Variants in COQ10B observed in about 807,000 individuals in gnomAD.
The protein encoded by COQ10B is coenzyme Q10B.
In COQ10B, 12 loss-of-function variants were observed where a neutral mutation model predicts 27.6. The ratio of observed to expected loss-of-function variants is 0.43; its 90% CI spans 0.28 to 0.70. The LOEUF is 0.70. Ranked by LOEUF, COQ10B falls within the 30% of genes least tolerant of loss-of-function variation. The pLI is 0.17. For synonymous variants in COQ10B, 115 were observed against 103.0 expected (o/e 1.12, Z -0.71); for missense variants, 278 against 288.7 (o/e 0.96, Z 0.27).
At position 197,457,945 on chromosome 2, in the gene COQ10B, C is replaced by G. The variant is rs2085717194; in HGVS notation, c.105-1987C>G. Among the ~76,000 whole-genome samples, 8 of 152,120 alleles carry G rather than the reference C, an allele frequency of 5.3e-5. No individual in the cohort carries two copies. The South Asian group carries it at 1.7e-3, about 31-fold the overall frequency. On this transcript the variant is annotated intron_variant, in intron 1 of 4. Transcript: ENST00000263960. ...CCTCCATTACATTTTAACAGATAGT[C>G]ATGTAGTATTTACCTTAAGCAAATT...
chr2:197,464,028 T>C (rs554474942), intron 3 of COQ10B, among the ~76,000 whole-genome samples: 4,087 of 75,816 alleles, frequency 0.054, 128 homozygotes, highest in African/African-American at 0.11. Flanking sequence ...CACACACACA[T>C]ACATACACAC....
intron 2 of COQ10B, among the ~76,000 whole-genome samples, chr2:197,461,346 A>G (rs917880604): frequency 1.3e-5 from 2 of 152,140 alleles, no homozygotes; most frequent in Non-Finnish European, 2.9e-5. Context: ...GAGGTGACAC[A>G]CAACACCTCC....
chr2:197,471,452 C>G (rs548520631), intron 4 of COQ10B, among the ~76,000 whole-genome samples: 1 of 151,998 alleles, frequency 6.6e-6, no homozygotes, highest in Non-Finnish European at 1.5e-5. Context: ...TAGTAACTTT[C>G]TTTTTCATAT....
In COQ10B at chr2:197,469,985, A is replaced by G. The variant is rs2106057373; in HGVS notation, c.448-85A>G. On this transcript the variant is annotated intron_variant, in intron 3 of 4. Transcript: ENST00000263960. The stretch of plus-strand genomic sequence containing the variant: ...ATAAAAATTATTACTTATGAAAGAA[A>G]TCAGCCTCAGTCATAGTAGATTCTT... 5 of 769,128 alleles carry G rather than the reference A, an allele frequency of 6.5e-6. No homozygotes were observed. The South Asian group carries it at 8.7e-5, about 13-fold the overall frequency. The allele number at this position is 769,128 out of a possible 1,614,324, so 47.6% of individuals were successfully genotyped here.
chr2:197,473,415 AATAT>A lies in COQ10B; in HGVS notation c.550-318_550-315del, dbSNP rs1161758409. 4.0e-3 allele frequency among the ~76,000 whole-genome samples: 236 copies of A among 59,462 alleles called. 8 individuals are homozygous for A. The highest frequency in any genetic ancestry group is 0.016 in the African/African-American group (188 of 11,798). The allele number at this position is 59,462 out of a possible 152,430, so 39.0% of individuals were successfully genotyped here. A position where few individuals can be genotyped will look rare whatever the true frequency, so the allele number is the denominator to read the frequency against. Reference sequence around the variant, plus strand: ...CGCCCCCCCCCACAAAAAAAAAAAAAATATATATATATATATATATATATATACA... The same window carrying A: ...CGCCCCCCCCCACAAAAAAAAAAAAAATATATATATATATATATATATACA... On this transcript the variant is annotated intron_variant, in intron 4 of 4. Coordinates refer to ENST00000263960, the MANE Select transcript of COQ10B (RefSeq NM_025147.5).
chr2:197,459,794 C>CGT (rs2085736785), intron 1 of COQ10B, 138 bp from the exon 2 acceptor site: 3 of 514,314 alleles, frequency 5.8e-6, no homozygotes, highest in East Asian at 6.9e-5. Flanking sequence ...TTTCTGTGCC[C>CGT]GTGTGTGTGT....
intron 1 of COQ10B, among the ~76,000 whole-genome samples, chr2:197,458,142 G>A (rs1179468314): frequency 1.4e-5 from 2 of 145,486 alleles, no homozygotes; most frequent in Non-Finnish European, 3.0e-5. Context: ...CTTTTGAGAC[G>A]GAGAATCACT....
intron 1 of COQ10B, among the ~76,000 whole-genome samples, chr2:197,458,222 G>T (rs1033659433): frequency 6.6e-6 from 1 of 151,028 alleles, no homozygotes; most frequent in African/African-American, 2.4e-5. Context: ...ATATGTATAT[G>T]TATTCATATA....
intron 1 of COQ10B, chr2:197,454,034 G>A: frequency 1.3e-6 from 2 of 1,551,256 alleles, no homozygotes; most frequent in South Asian, 1.2e-5. Context: ...GGCTGTATGG[G>A]AGTTTGTGTT....
chr2:197,463,310 A>G (rs2085781460), intron 3 of COQ10B, among the ~76,000 whole-genome samples: 1 of 151,932 alleles, frequency 6.6e-6, no homozygotes, highest in Non-Finnish European at 1.5e-5. Context: ...CGTCTCTACT[A>G]AAAATACAAA....
intron 1 of COQ10B, among the ~76,000 whole-genome samples, chr2:197,454,448 T>A (rs1052460568): frequency 5.3e-4 from 81 of 152,022 alleles, no homozygotes; most frequent in African/African-American, 1.8e-3. Context: ...GACATTTAGA[T>A]TAAATGAAGA....
chr2:197,463,261 C>G (rs889124638), intron 3 of COQ10B, among the ~76,000 whole-genome samples: 1 of 151,230 alleles, frequency 6.6e-6, no homozygotes, highest in Non-Finnish European at 1.5e-5. Flanking sequence ...ATTACGAGGT[C>G]AGGAGTTCAA....
chr2:197,458,913 C>G (rs1025870799), intron 1 of COQ10B, among the ~76,000 whole-genome samples: 3 of 152,106 alleles, frequency 2.0e-5, no homozygotes, highest in African/African-American at 7.2e-5. Context: ...AATTCCTGAC[C>G]TCGTGATCCA....
At chr2:197,456,743 T>A (rs1469680391) in intron 1 of COQ10B, among the ~76,000 whole-genome samples, 1 of 151,610 alleles carries the variant, frequency 6.6e-6, no homozygotes, top group Non-Finnish European at 1.5e-5. Flanking sequence ...CGAGCCTGGG[T>A]GATAGAGCAA....
chr2:197,455,155 C>T (rs1469733487), intron 1 of COQ10B, among the ~76,000 whole-genome samples: 9 of 150,082 alleles, frequency 6.0e-5, no homozygotes, highest in Admixed American at 6.0e-4. Context: ...ATACATGAAC[C>T]TGGTACAAAG....
rs1374109141 is a variant in COQ10B, at chr2:197,453,669, T to C, written c.104+5T>C. The C allele has an allele frequency of 1.9e-6, 3 of 1,610,690 alleles. No individual in the cohort carries two copies. In the South Asian group the frequency reaches 3.3e-5, roughly 18 times the overall value. On this transcript the variant is annotated splice_donor_5th_base_variant and intron_variant, in intron 1 of 4. Coordinates refer to ENST00000263960, the MANE Select transcript of COQ10B (RefSeq NM_025147.5). ...GGCGCCCGTGCGGAATGGCAGGTAATCAACAGCGGGGGCGCTGAGACGAGA... is the reference window on the plus strand; with the variant it reads ...GGCGCCCGTGCGGAATGGCAGGTAACCAACAGCGGGGGCGCTGAGACGAGA...
At chr2:197,461,572 T>C (rs1441171400) in intron 2 of COQ10B, among the ~76,000 whole-genome samples, 1 of 150,916 alleles carries the variant, frequency 6.6e-6, no homozygotes, top group Non-Finnish European at 1.5e-5. Flanking sequence ...TGTGTGTGTG[T>C]GTGTGTGTGT....
chr2:197,454,858 GTGGTAC>G lies in COQ10B; in HGVS notation c.104+1198_104+1203del, dbSNP rs537539510. 2.4e-3 allele frequency among the ~76,000 whole-genome samples: 366 copies of G among 152,290 alleles called. 3 individuals are homozygous for G. The highest frequency in any genetic ancestry group is 6.8e-3 in the Middle Eastern group (2 of 294). The stretch of plus-strand genomic sequence containing the variant: ...TTATTATACTTAAGTATATGAGAGA[GTGGTAC>G]TGGAAGACGAGTGACAAAAAAGCTG... On this transcript the variant is annotated intron_variant, in intron 1 of 4. Coordinates refer to ENST00000263960, the MANE Select transcript of COQ10B (RefSeq NM_025147.5).
chr2:197,473,620 A>G, intron 4 of COQ10B, 137 bp from the exon 5 acceptor site: 1 of 548,820 alleles, frequency 1.8e-6, no homozygotes, highest in South Asian at 2.9e-5. Context: ...CAGGAGGTTG[A>G]GGCTGCAGTG....
Sources: gnomAD v4.1 joint callset for allele counts (sites outside exome capture counted in the v4.1 genomes callset) on GRCh38, gnomAD v4.1.1 for gene constraint, MANE v1.5 for transcripts, NCBI Gene and HGNC (gene_info 2026-07-23, HGNC 2026-07-21) for gene names.